Variants in KCNK10 observed in about 807,000 individuals in gnomAD.
KCNK10 encodes the protein potassium channel subfamily K member 10.
KCNK10 carries 25 observed loss-of-function variants against 47.7 expected under a neutral mutation model. That is an observed-to-expected ratio of 0.52 (90% CI 0.38 to 0.73). The LOEUF (loss-of-function observed/expected upper bound fraction) is 0.73, where lower values mean the gene tolerates loss of function less well. KCNK10 is among the 30% of genes least tolerant of loss of function. The probability of loss-of-function intolerance (pLI) is 0.00; values close to 1 mark genes in which losing one functional copy is unlikely to be tolerated. For missense variants in KCNK10, 563 were observed against 714.5 expected (o/e 0.79, Z 2.42); for synonymous variants, 303 against 285.6 (o/e 1.06, Z -0.61).
intron 1 of KCNK10, among the ~76,000 whole-genome samples, chr14:88,303,292 T>A (rs1888140549): frequency 6.6e-6 from 1 of 152,186 alleles, no homozygotes; most frequent in Non-Finnish European, 1.5e-5. Context: ...AAGTCACTTG[T>A]ATCAGGACAT....
intron 1 of KCNK10, among the ~76,000 whole-genome samples, chr14:88,292,228 T>C (rs1390180863): frequency 6.6e-6 from 1 of 152,170 alleles, no homozygotes; most frequent in Non-Finnish European, 1.5e-5. Context: ...GAAAGGAGTG[T>C]GCACAAGGAG....
intron 6 of KCNK10, among the ~76,000 whole-genome samples, chr14:88,187,137 C>G (rs1468831174): frequency 2.0e-5 from 3 of 152,126 alleles, no homozygotes; most frequent in Admixed American, 2.0e-4. Context: ...TTATATAAAC[C>G]AGGAAAATTA....
Position 88,185,478 on chromosome 14 carries a change from TAA to T in KCNK10, c.*55_*56del. On this transcript the variant is annotated 3_prime_UTR_variant, in exon 7 of 7. Coordinates refer to ENST00000319231, the MANE Select transcript of KCNK10 (RefSeq NM_138317.3). This position sits in a 1 kb window ranked among gnomAD's most constrained non-coding sequence, Gnocchi z 4.3. ...AAGGCACATGTCTCAGTGTGAATAT[TAA>T]AAACACACACACACACACACACAAC... 1 of 1,502,838 alleles carries T rather than the reference TAA, an allele frequency of 6.7e-7. No homozygotes were observed. Among genetic ancestry groups the T allele is most frequent in the Non-Finnish European group, 8.9e-7 (1 of 1,122,860 alleles). The allele number at this position is 1,502,838 out of a possible 1,614,324, so 93.1% of individuals were successfully genotyped here.
Position 88,208,423 on chromosome 14 carries a change from T to C in KCNK10, c.682-16013A>G, listed in dbSNP as rs1470345561. Among the ~76,000 whole-genome samples the C allele has an allele frequency of 7.2e-5, 11 of 152,068 alleles. No homozygotes were observed. In the East Asian group the frequency reaches 2.1e-3, roughly 29 times the overall value. ...AAAAGGTTGATAAGCCTCCAAAGGG[T>C]AGATAAAAGAGAGAGACACCTAATA... On this transcript the variant is annotated intron_variant, in intron 4 of 6. Coordinates refer to ENST00000319231, the MANE Select transcript of KCNK10 (RefSeq NM_138317.3).
At chr14:88,312,671 C>T (rs942769933) in intron 1 of KCNK10, among the ~76,000 whole-genome samples, 3 of 152,208 alleles carry the variant, frequency 2.0e-5, no homozygotes, top group African/African-American at 7.2e-5. Context: ...AGTTATCACA[C>T]CCCACCTCTA....
chr14:88,270,737 C>T, intron 1 of KCNK10: 1 of 781,092 alleles, frequency 1.3e-6, no homozygotes, highest in Non-Finnish European at 2.4e-6. Flanking sequence ...TCTTCTCTCA[C>T]CTGAATCACT....
upstream of KCNK10, among the ~76,000 whole-genome samples, chr14:88,325,559 T>G (rs1888643653): frequency 6.6e-6 from 1 of 152,148 alleles, no homozygotes; most frequent in Non-Finnish European, 1.5e-5. Context: ...GACACAAAGG[T>G]CCATGCTCTC....
At chr14:88,297,487 A>C (rs1003188489) in intron 1 of KCNK10, among the ~76,000 whole-genome samples, 1 of 152,210 alleles carries the variant, frequency 6.6e-6, no homozygotes, top group African/African-American at 2.4e-5. Context: ...TTCTCAGGGC[A>C]CAGTTTTGGT....
At chr14:88,241,864 A>C (rs543862653) in intron 2 of KCNK10, among the ~76,000 whole-genome samples, 93 of 152,330 alleles carry the variant, frequency 6.1e-4, no homozygotes, top group African/African-American at 2.2e-3. Flanking sequence ...CATCACGAGC[A>C]GGAGAAGGTG....
rs34350717 is a variant in KCNK10, at chr14:88,191,602, AT to A, written c.868+621del. 6.1e-4 allele frequency among the ~76,000 whole-genome samples: 92 copies of A among 151,288 alleles called. 1 individual carries two copies. Among genetic ancestry groups the A allele is most frequent in the African/African-American group, 1.7e-3 (70 of 41,036 alleles). On this transcript the variant is annotated intron_variant, in intron 5 of 6. Coordinates refer to ENST00000319231, the MANE Select transcript of KCNK10 (RefSeq NM_138317.3). ...TCCCTGGCCCTAGATGAAATTGATG[AT>A]TTTTTTTTCACTTCCTTAAACATAG...
At chr14:88,313,198 G>A (rs1277925195) in intron 1 of KCNK10, among the ~76,000 whole-genome samples, 2 of 152,206 alleles carry the variant, frequency 1.3e-5, no homozygotes, top group Non-Finnish European at 2.9e-5. Flanking sequence ...TTTGGATTAT[G>A]AATAGGATTA....
intron 4 of KCNK10, among the ~76,000 whole-genome samples, chr14:88,211,406 T>C (rs1381491243): frequency 6.6e-6 from 1 of 152,104 alleles, no homozygotes; most frequent in Non-Finnish European, 1.5e-5. Context: ...TTTGGGAAGA[T>C]GGAAAAGTTC....
At chr14:88,247,290 C>G (rs1335478017) in intron 2 of KCNK10, among the ~76,000 whole-genome samples, 4 of 152,138 alleles carry the variant, frequency 2.6e-5, no homozygotes, top group Admixed American at 6.5e-5. Context: ...CGCACGTGTG[C>G]CTTTACCTCC....
intron 4 of KCNK10, among the ~76,000 whole-genome samples, chr14:88,220,522 A>G (rs1885773824): frequency 6.6e-6 from 1 of 151,236 alleles, no homozygotes; most frequent in South Asian, 2.1e-4. Flanking sequence ...TAGGTCAATG[A>G]ACTAGAATAG....
intron 1 of KCNK10, among the ~76,000 whole-genome samples, chr14:88,307,107 C>T (rs750059861): frequency 6.6e-5 from 10 of 152,146 alleles, no homozygotes; most frequent in Admixed American, 2.0e-4. Flanking sequence ...CAAGGTCTTG[C>T]CTTGGAGCCA....
intron 1 of KCNK10, among the ~76,000 whole-genome samples, chr14:88,274,229 T>C (rs1887475721): frequency 6.6e-6 from 1 of 151,804 alleles, no homozygotes; most frequent in Non-Finnish European, 1.5e-5. Context: ...CACTTCTCCC[T>C]TCCCAGCAAA....
intron 1 of KCNK10, among the ~76,000 whole-genome samples, chr14:88,318,632 G>A (rs984643339): frequency 1.3e-5 from 2 of 152,116 alleles, no homozygotes; most frequent in African/African-American, 4.8e-5. Context: ...CAAGCGCAAA[G>A]GCCCTCAGAC....
chr14:88,187,406 T>TCCC (rs1364531908), intron 6 of KCNK10, among the ~76,000 whole-genome samples: 1 of 152,124 alleles, frequency 6.6e-6, no homozygotes, highest in Non-Finnish European at 1.5e-5. Context: ...TTCCTTTACT[T>TCCC]CCCTTCATGT....
rs1884291211 is a variant in KCNK10, at chr14:88,180,143, T to C, written c.*5392A>G. 1 of 152,002 alleles carries C rather than the reference T, an allele frequency of 6.6e-6. No homozygotes were observed. The highest frequency in any genetic ancestry group is 2.4e-5 in the African/African-American group (1 of 41,332). The allele number at this position is 152,002 out of a possible 1,614,324, so 9.4% of individuals were successfully genotyped here. ...CAGAAGGTCTTTGTTGCAATTTTTC[T>C]CCATCATTGAAAAAAAAATTACATC... On this transcript the variant is annotated 3_prime_UTR_variant, in exon 7 of 7. Transcript: ENST00000319231.
Sources: gnomAD v4.1 joint callset for allele counts (sites outside exome capture counted in the v4.1 genomes callset) on GRCh38, gnomAD v4.1.1 for gene constraint, Gnocchi (gnomAD v3.1) non-coding constraint, MANE v1.5 for transcripts, NCBI Gene and HGNC (gene_info 2026-07-23, HGNC 2026-07-21) for gene names.